Variants in C4orf36 observed in about 807,000 individuals in gnomAD.
The protein encoded by C4orf36 is chromosome 4 open reading frame 36.
Under a neutral mutation model 12.2 loss-of-function variants are expected in C4orf36, and 11 were observed. That is an observed-to-expected ratio of 0.90 (90% confidence interval 0.57 to 1.49). The LOEUF (loss-of-function observed/expected upper bound fraction) is 1.49. Ranked by LOEUF, C4orf36 falls within the 40% of genes most tolerant of loss-of-function variation. The pLI is 0.00. For synonymous variants in C4orf36, 54 were observed against 51.3 expected (o/e 1.05, Z -0.22); for missense variants, 137 against 133.9 (o/e 1.02, Z -0.11).
At chr4:86,902,418 C>CAAAAAAAA in the C4orf36 span, among the ~76,000 whole-genome samples, 55 of 58,920 alleles carry the variant, frequency 9.3e-4, no homozygotes, top group Non-Finnish European at 1.1e-3. Context: ...ATGAGACTCT[C>CAAAAAAAA]AAAAAAAAAA....
At chr4:86,918,631 C>G in the C4orf36 span, among the ~76,000 whole-genome samples, 1 of 152,148 alleles carries the variant, frequency 6.6e-6, no homozygotes, top group Non-Finnish European at 1.5e-5. Context: ...TAAGTGGTTT[C>G]TATACTGCTA....
chr4:86,905,180 C>T, the C4orf36 span, among the ~76,000 whole-genome samples: 2 of 150,798 alleles, frequency 1.3e-5, no homozygotes, highest in African/African-American at 4.9e-5. Flanking sequence ...TGAGACCAGC[C>T]TGGTCAACAT....
the C4orf36 span, chr4:86,924,788 A>G: frequency 6.6e-6 from 1 of 152,228 alleles, no homozygotes; most frequent in African/African-American, 2.4e-5. Context: ...AAGTGGTAAC[A>G]TATTTGTGTG....
upstream of C4orf36, among the ~76,000 whole-genome samples, chr4:86,893,036 T>G (rs950566173): frequency 6.6e-6 from 1 of 152,212 alleles, no homozygotes; most frequent in African/African-American, 2.4e-5. Context: ...AATTTCTTCA[T>G]CTATAAAACA....
intron 4 of C4orf36, chr4:86,886,404 TCAAA>T (rs1747179804): frequency 6.6e-6 from 1 of 151,970 alleles, no homozygotes; most frequent in Admixed American, 6.5e-5. Flanking sequence ...TACAAGGAAC[TCAAA>T]CAAATTTACA....
the C4orf36 span, among the ~76,000 whole-genome samples, chr4:86,916,854 G>A: frequency 6.6e-6 from 1 of 152,318 alleles, no homozygotes; most frequent in East Asian, 1.9e-4. Flanking sequence ...TGCGGATACT[G>A]CATCATCTAG....
At chr4:86,935,842 G>A in the C4orf36 span, 1 of 152,164 alleles carries the variant, frequency 6.6e-6, no homozygotes, top group African/African-American at 2.4e-5. Context: ...CTTTAGTATG[G>A]GACTGGTTAA....
chr4:86,892,476 C>G (rs1045588655), upstream of C4orf36: 10 of 984,968 alleles, frequency 1.0e-5, no homozygotes, highest in Non-Finnish European at 1.2e-5. Flanking sequence ...GGGGCCCTCC[C>G]CACCCGCCAG....
the C4orf36 span, among the ~76,000 whole-genome samples, chr4:86,904,487 C>T: frequency 1.3e-5 from 2 of 148,356 alleles, no homozygotes; most frequent in Admixed American, 7.0e-5. Context: ...GAGGCTGAGG[C>T]AGGGTAATCG....
chr4:86,882,983 A>G (rs1747083292), intron 4 of C4orf36, among the ~76,000 whole-genome samples: 1 of 152,184 alleles, frequency 6.6e-6, no homozygotes. Context: ...TATCACCAAT[A>G]AAACTCTCCT....
At chr4:86,889,493 T>C (rs534927676) in intron 2 of C4orf36, among the ~76,000 whole-genome samples, 4 of 152,338 alleles carry the variant, frequency 2.6e-5, no homozygotes, top group Admixed American at 2.6e-4. Context: ...ATTGTTTACA[T>C]AGCACCTACT....
intron 4 of C4orf36, among the ~76,000 whole-genome samples, chr4:86,878,697 G>A (rs564865958): frequency 3.0e-4 from 45 of 152,256 alleles, no homozygotes; most frequent in Admixed American, 2.0e-3. Context: ...CAACATTCTG[G>A]TTTTTCGGGG....
chr4:86,885,371 C>G (rs567078561), intron 4 of C4orf36, among the ~76,000 whole-genome samples: 1 of 152,056 alleles, frequency 6.6e-6, no homozygotes, highest in African/African-American at 2.4e-5. Context: ...TCTTTTATTT[C>G]GTTGAGCAGT....
upstream of C4orf36, among the ~76,000 whole-genome samples, chr4:86,893,533 C>A (rs536083243): frequency 5.9e-5 from 9 of 151,784 alleles, no homozygotes; most frequent in African/African-American, 2.2e-4. Flanking sequence ...TTGCAGTGAG[C>A]CGAGATGGCG....
chr4:86,889,351 CAA>C (rs11357505), intron 2 of C4orf36, among the ~76,000 whole-genome samples: 3,462 of 118,258 alleles, frequency 0.029, 127 homozygotes, highest in African/African-American at 0.099. Context: ...AACTCCGTCT[CAA>C]AAAAAAAAAA....
chr4:86,923,214 C>T, the C4orf36 span, among the ~76,000 whole-genome samples: 12 of 151,836 alleles, frequency 7.9e-5, no homozygotes, highest in Non-Finnish European at 1.6e-4. Context: ...ACCTCAGCCT[C>T]CTGAGGAGCT....
At chr4:86,881,051 G>T (rs552994048) in intron 4 of C4orf36, among the ~76,000 whole-genome samples, 9 of 148,890 alleles carry the variant, frequency 6.0e-5, no homozygotes, top group South Asian at 2.1e-4. Flanking sequence ...AAAAAAAAAG[G>T]TTTCTCTATC....
chr4:86,890,308 C>G (rs1578780082), intron 2 of C4orf36: 1 of 363,522 alleles, frequency 2.8e-6, no homozygotes, highest in East Asian at 7.5e-5. Context: ...GATCTGAACC[C>G]AGGAAGTCAG....
Position 86,892,216 on chromosome 4 carries a change from T to C in C4orf36, c.-107A>G, listed in dbSNP as rs972005793. On this transcript the variant is annotated 5_prime_UTR_variant, in exon 1 of 5. Coordinates refer to ENST00000295898, the MANE Select transcript of C4orf36 (RefSeq NM_144645.4). ...CACCCTGCCTCCGACTCGCCAGGAA[T>C]GCGCTGTGTGCGCGGGGCTTCCAGG... 4.1e-6 allele frequency: 4 copies of C among 985,494 alleles called. No individual in the cohort carries two copies. In the African/African-American group the frequency reaches 7.0e-5, roughly 17 times the overall value. The allele number at this position is 985,494 out of a possible 1,614,324, so 61.0% of individuals were successfully genotyped here. A position where few individuals can be genotyped will look rare whatever the true frequency, so the allele number is the denominator to read the frequency against.
Sources: allele counts gnomAD v4.1 joint callset (sites outside exome capture counted in the v4.1 genomes callset), GRCh38; gene constraint gnomAD v4.1.1; transcripts MANE v1.5; gene names NCBI Gene and HGNC (gene_info 2026-07-23, HGNC 2026-07-21).